The following CYTH3 variants were observed in gnomAD, a reference collection of about 807,000 sequenced individuals.
The protein encoded by CYTH3 is cytohesin-3.
A neutral mutation model predicts 55.1 loss-of-function variants in CYTH3; 23 were observed. That is an observed-to-expected ratio of 0.42 (90% CI 0.30 to 0.59). The LOEUF is 0.59. CYTH3 is among the 20% of genes least tolerant of loss of function. The pLI, the probability that CYTH3 is intolerant of heterozygous loss-of-function variation, is 0.20. For missense variants in CYTH3, 413 were observed against 524.8 expected (o/e 0.79, Z 2.08); for synonymous variants, 249 against 194.9 (o/e 1.28, Z -2.31).
At chr7:6,233,731 T>TAC (rs1306393335) in intron 1 of CYTH3, among the ~76,000 whole-genome samples, 1 of 152,164 alleles carries the variant, frequency 6.6e-6, no homozygotes, top group African/African-American at 2.4e-5. Context: ...TTCAGGGCCT[T>TAC]ACCACCAGTC....
At chr7:6,189,899 G>A (rs1449583981) in intron 2 of CYTH3, among the ~76,000 whole-genome samples, 2 of 152,056 alleles carry the variant, frequency 1.3e-5, no homozygotes, top group Non-Finnish European at 2.9e-5. Flanking sequence ...AGCTGGGTGT[G>A]GTGGTGGGTG....
intron 1 of CYTH3, among the ~76,000 whole-genome samples, chr7:6,252,285 T>C (rs1779991345): frequency 6.6e-6 from 1 of 152,218 alleles, no homozygotes; most frequent in African/African-American, 2.4e-5. Context: ...CTTTGCCCTA[T>C]TTTACAAGAG....
chr7:6,214,374 A>G (rs1006060954), intron 1 of CYTH3, among the ~76,000 whole-genome samples: 1 of 152,268 alleles, frequency 6.6e-6, no homozygotes, highest in African/African-American at 2.4e-5. Flanking sequence ...AGAGAACTCT[A>G]CAGATTTCTA....
In CYTH3 at chr7:6,272,536, C is replaced by CA; in HGVS notation, c.-30_-29insT. On this transcript the variant is annotated 5_prime_UTR_variant, in exon 1 of 13. Coordinates refer to ENST00000350796, the MANE Select transcript of CYTH3 (RefSeq NM_004227.4). ...GAGGCCACTCCCGCAGCCGGCGAGC[C>CA]GGGGGCCGGCAGCAGAGGGGCCGCG... The CA allele has an allele frequency of 8.3e-7, 1 of 1,209,698 alleles. No individual in the cohort carries two copies. Among genetic ancestry groups the CA allele is most frequent in the South Asian group, 1.7e-5 (1 of 58,308 alleles). 74.9% of individuals were successfully genotyped at this position (1,209,698 alleles called of 1,614,324 possible). A position where few individuals can be genotyped will look rare whatever the true frequency, so the allele number is the denominator to read the frequency against.
chr7:6,254,421 T>G (rs59180903), intron 1 of CYTH3, among the ~76,000 whole-genome samples: 14,587 of 152,196 alleles, frequency 0.096, 1,856 homozygotes, highest in African/African-American at 0.29. Flanking sequence ...AGAAGACGAG[T>G]GCTAAAGTAT....
intron 1 of CYTH3, among the ~76,000 whole-genome samples, chr7:6,206,416 T>G (rs964551163): frequency 6.6e-6 from 1 of 152,206 alleles, no homozygotes; most frequent in Non-Finnish European, 1.5e-5. Flanking sequence ...ACAAAACTAA[T>G]TTGTGTTGAT....
intron 4 of CYTH3, among the ~76,000 whole-genome samples, chr7:6,181,438 CAGGCACTGCT>C (rs908026710): frequency 2.1e-4 from 32 of 152,320 alleles, no homozygotes; most frequent in African/African-American, 7.7e-4. Flanking sequence ...CAGGCCTTGG[CAGGCACTGCT>C]CCCCTCCTGT....
At chr7:6,216,872 A>AAG (rs1784439748) in intron 1 of CYTH3, among the ~76,000 whole-genome samples, 1 of 151,952 alleles carries the variant, frequency 6.6e-6, no homozygotes, top group Non-Finnish European at 1.5e-5. Context: ...AAAAAAAAAA[A>AAG]AAAAAGAAAT....
At chr7:6,227,987 G>A (rs186967299) in intron 1 of CYTH3, among the ~76,000 whole-genome samples, 2 of 152,120 alleles carry the variant, frequency 1.3e-5, no homozygotes, top group East Asian at 1.9e-4. Flanking sequence ...CAACAACAAC[G>A]AGATAATTGC....
At chr7:6,247,230 TTA>T (rs1200971030) in intron 1 of CYTH3, among the ~76,000 whole-genome samples, 1 of 152,232 alleles carries the variant, frequency 6.6e-6, no homozygotes, top group Non-Finnish European at 1.5e-5. Flanking sequence ...CCCTTAAAAC[TTA>T]GCCTCAGCTC....
chr7:6,250,615 A>G (rs1779936694), intron 1 of CYTH3, among the ~76,000 whole-genome samples: 1 of 152,244 alleles, frequency 6.6e-6, no homozygotes, highest in Admixed American at 6.5e-5. Flanking sequence ...CACATATTCT[A>G]TGATTCCATT....
chr7:6,196,448 CTTTTTTTCTT>C (rs1422503886), intron 1 of CYTH3, among the ~76,000 whole-genome samples: 5 of 135,256 alleles, frequency 3.7e-5, no homozygotes, highest in African/African-American at 1.5e-4. Context: ...CATCTTTTTT[CTTTTTTTCTT>C]TTTTTTTTTT....
At chr7:6,221,665 C>T (rs894060942) in intron 1 of CYTH3, among the ~76,000 whole-genome samples, 8 of 151,654 alleles carry the variant, frequency 5.3e-5, no homozygotes, top group Non-Finnish European at 8.8e-5. Flanking sequence ...GTTATCTTTG[C>T]AACTTTCTGT....
At chr7:6,180,917 C>T (rs1229637922) in intron 4 of CYTH3, among the ~76,000 whole-genome samples, 1 of 152,148 alleles carries the variant, frequency 6.6e-6, no homozygotes, top group African/African-American at 2.4e-5. Context: ...CCAATCAAAT[C>T]TACGGTGAGC....
chr7:6,270,519 T>G (rs1780622558), intron 1 of CYTH3, among the ~76,000 whole-genome samples: 1 of 152,178 alleles, frequency 6.6e-6, no homozygotes, highest in South Asian at 2.1e-4. Context: ...CTGGAAAATA[T>G]AAAAAGAAAA....
chr7:6,272,375 T>G lies in CYTH3; in HGVS notation c.34+99A>C, dbSNP rs1780687270. ...CGCTGCCGCTGCCCCCGACCCCGTC[T>G]CCTCCGGCGAACCCCGGCCCAGCGC... On this transcript the variant is annotated intron_variant, in intron 1 of 12. Coordinates refer to ENST00000350796, the MANE Select transcript of CYTH3 (RefSeq NM_004227.4). The G allele has an allele frequency of 2.0e-5, 22 of 1,115,968 alleles. 1 individual carries two copies. The South Asian group carries it at 6.4e-4, about 33-fold the overall frequency. 69.1% of individuals were successfully genotyped at this position (1,115,968 alleles called of 1,614,324 possible).
intron 1 of CYTH3, among the ~76,000 whole-genome samples, chr7:6,214,913 A>G (rs1045114814): frequency 1.3e-5 from 2 of 152,152 alleles, no homozygotes; most frequent in Non-Finnish European, 2.9e-5. Flanking sequence ...TAGAGACAAT[A>G]GTATTTTCTT....
At chr7:6,186,964 C>CA (rs1783670564) in intron 4 of CYTH3, 86 bp downstream of exon 4, 1 of 1,400,110 alleles carries the variant, frequency 7.1e-7, no homozygotes, top group African/African-American at 1.4e-5. Context: ...GGCGGACCAC[C>CA]TCTGACCTCT....
At chr7:6,270,848 G>A (rs907698698) in intron 1 of CYTH3, among the ~76,000 whole-genome samples, 5 of 152,074 alleles carry the variant, frequency 3.3e-5, no homozygotes, top group East Asian at 1.9e-4. Flanking sequence ...CAAATTGCTG[G>A]AGCACATTAA....
Sources: gnomAD v4.1 joint callset for allele counts (sites outside exome capture counted in the v4.1 genomes callset) on GRCh38, gnomAD v4.1.1 for gene constraint, MANE v1.5 for transcripts, NCBI Gene and HGNC (gene_info 2026-07-23, HGNC 2026-07-21) for gene names.